DPH6: variants seen among roughly 807,000 people sequenced by gnomAD.
The protein encoded by DPH6 is diphthine--ammonia ligase.
Under a neutral mutation model 38.2 loss-of-function variants are expected in DPH6, and 33 were observed. The ratio of observed to expected loss-of-function variants is 0.86; its 90% CI spans 0.65 to 1.15. DPH6 has a LOEUF of 1.15. Among genes scored for constraint, DPH6 ranks in the 50% most tolerant of loss-of-function variants. The pLI is 0.00. For synonymous variants in DPH6, 108 were observed against 103.0 expected (o/e 1.05, Z -0.30); for missense variants, 325 against 320.0 (o/e 1.02, Z -0.12).
intron 3 of DPH6, among the ~76,000 whole-genome samples, chr15:35,222,543 G>GC (rs2051449377): frequency 6.6e-6 from 1 of 152,052 alleles, no homozygotes; most frequent in African/African-American, 2.4e-5. Flanking sequence ...TTGAAGGGGG[G>GC]GGTTTCAGGT....
intron 3 of DPH6, among the ~76,000 whole-genome samples, chr15:35,514,694 G>A (rs931766974): frequency 2.0e-5 from 3 of 152,152 alleles, no homozygotes; most frequent in Non-Finnish European, 2.9e-5. Flanking sequence ...TATTGGGGAA[G>A]ACCAGGGGAG....
intron 3 of DPH6, among the ~76,000 whole-genome samples, chr15:35,464,559 T>C (rs2054105655): frequency 6.6e-6 from 1 of 152,182 alleles, no homozygotes; most frequent in Non-Finnish European, 1.5e-5. Context: ...CAAATATTTT[T>C]TTCAAAGAAA....
intron 3 of DPH6, among the ~76,000 whole-genome samples, chr15:35,477,459 T>C (rs2052144800): frequency 6.6e-6 from 1 of 151,868 alleles, no homozygotes; most frequent in Non-Finnish European, 1.5e-5. Context: ...ATGGTATCAG[T>C]GTACTCCATC....
intron 5 of DPH6, among the ~76,000 whole-genome samples, chr15:35,438,117 T>C (rs1466555144): frequency 6.6e-6 from 1 of 152,264 alleles, no homozygotes; most frequent in Admixed American, 6.5e-5. Flanking sequence ...ACCCAAGTCA[T>C]AGGTATATTT....
At chr15:35,353,259 G>T (rs1323845777) in intron 3 of DPH6, among the ~76,000 whole-genome samples, 3 of 152,086 alleles carry the variant, frequency 2.0e-5, no homozygotes, top group Admixed American at 2.0e-4. Context: ...AGTTTCTTTT[G>T]CTGTGCAGAA....
At chr15:35,335,226 CT>C (rs2052360493) in intron 3 of DPH6, among the ~76,000 whole-genome samples, 1 of 152,206 alleles carries the variant, frequency 6.6e-6, no homozygotes, top group Admixed American at 6.5e-5. Context: ...TGTTCATGTC[CT>C]TTGCCCACTT....
At chr15:35,154,475 C>T in the DPH6 span, among the ~76,000 whole-genome samples, 2 of 152,294 alleles carry the variant, frequency 1.3e-5, no homozygotes, top group Admixed American at 1.3e-4. Flanking sequence ...AGCCCTGTAT[C>T]TGGCATGTAA....
chr15:35,237,825 TGGAGGAGGAGGAGGAGGATGA>T, intron 3 of DPH6: 4 of 1,545,988 alleles, frequency 2.6e-6, no homozygotes, highest in Non-Finnish European at 3.6e-6. Context: ...GTGGAGGGCC[TGGAGGAGGAGGAGGAGGATGA>T]GGATGAGGAG....
At chr15:35,299,786 T>C (rs2052042512) in intron 3 of DPH6, among the ~76,000 whole-genome samples, 1 of 152,204 alleles carries the variant, frequency 6.6e-6, no homozygotes, top group African/African-American at 2.4e-5. Context: ...ATTTTCTTCA[T>C]AGTATTTAGC....
intron 3 of DPH6, chr15:35,299,006 T>C (rs370404488): frequency 3.8e-5 from 28 of 742,858 alleles, no homozygotes; most frequent in Middle Eastern, 6.5e-4. Context: ...CTGAACTCCT[T>C]GAAAACTCAC....
chr15:35,209,584 C>A, the DPH6 span, among the ~76,000 whole-genome samples: 23 of 152,222 alleles, frequency 1.5e-4, no homozygotes, highest in Admixed American at 1.5e-3. Context: ...AAAATTGCCT[C>A]CCTCACCAGA....
intron 3 of DPH6, among the ~76,000 whole-genome samples, chr15:35,353,182 C>T (rs2052530446): frequency 6.6e-6 from 1 of 152,084 alleles, no homozygotes; most frequent in Admixed American, 6.6e-5. Flanking sequence ...GATATTAGCC[C>T]TTTGTCAGAT....
chr15:35,258,235 T>C (rs779145024), intron 3 of DPH6, among the ~76,000 whole-genome samples: 21 of 152,228 alleles, frequency 1.4e-4, no homozygotes, highest in East Asian at 1.4e-3. Flanking sequence ...AGAGGTAGGA[T>C]TGGGGTCATA....
At chr15:35,246,526 T>C (rs1247116169) in intron 3 of DPH6, among the ~76,000 whole-genome samples, 1 of 152,164 alleles carries the variant, frequency 6.6e-6, no homozygotes, top group Non-Finnish European at 1.5e-5. Context: ...TAGTGAGCAA[T>C]GGGATTAGCG....
chr15:35,366,466 GCT>G (rs2052661610), downstream of DPH6, among the ~76,000 whole-genome samples: 1 of 151,734 alleles, frequency 6.6e-6, no homozygotes, highest in Non-Finnish European at 1.5e-5. Context: ...TCACTATACT[GCT>G]CTCTCTTAAT....
intron 6 of DPH6, chr15:35,401,789 T>C: frequency 1.6e-6 from 1 of 626,572 alleles, no homozygotes; most frequent in Non-Finnish European, 3.0e-6. Flanking sequence ...GAAACAAAGC[T>C]TAACAGGAGA....
chr15:35,237,498 C>A, intron 3 of DPH6: 1 of 1,568,122 alleles, frequency 6.4e-7, no homozygotes, highest in Non-Finnish European at 8.8e-7. Context: ...ACCTCAACTG[C>A]AAACTTACCG....
intron 3 of DPH6, among the ~76,000 whole-genome samples, chr15:35,478,627 A>C (rs994794878): frequency 6.6e-6 from 1 of 152,008 alleles, no homozygotes; most frequent in African/African-American, 2.4e-5. Context: ...GAGGAACTCA[A>C]TGCAATTTCA....
chr15:35,189,632 G>T, the DPH6 span, among the ~76,000 whole-genome samples: 23 of 152,086 alleles, frequency 1.5e-4, no homozygotes, highest in Admixed American at 2.6e-4. Context: ...TTCTTTGAAG[G>T]CACCTTTGTA....
Sources: gnomAD v4.1 joint callset for allele counts (sites outside exome capture counted in the v4.1 genomes callset) on GRCh38, gnomAD v4.1.1 for gene constraint, MANE v1.5 for transcripts, NCBI Gene and HGNC (gene_info 2026-07-23, HGNC 2026-07-21) for gene names.